Variants in CCDC93 observed in about 807,000 individuals in gnomAD.
CCDC93 encodes CCC complex scaffolding subunit CCDC93, also known as coiled-coil domain-containing protein 93.
CCDC93 carries 61 observed loss-of-function variants against 108.2 expected under a neutral mutation model. That is an observed-to-expected ratio of 0.56 (90% CI 0.46 to 0.70). The LOEUF is 0.70. Among genes scored for constraint, CCDC93 ranks in the 30% least tolerant of loss-of-function variants. The pLI is 0.00. For missense variants in CCDC93, 685 were observed against 764.2 expected (o/e 0.90, Z 1.22); for synonymous variants, 276 against 260.4 (o/e 1.06, Z -0.58).
chr2:117,979,364 CT>C (rs1006710441), intron 7 of CCDC93, among the ~76,000 whole-genome samples: 1 of 152,172 alleles, frequency 6.6e-6, no homozygotes, highest in Non-Finnish European at 1.5e-5. Flanking sequence ...CCTACTCACC[CT>C]CCACTCCTCA....
intron 23 of CCDC93, among the ~76,000 whole-genome samples, chr2:117,921,194 A>T (rs1263786341): frequency 1.3e-5 from 2 of 151,664 alleles, no homozygotes; most frequent in Non-Finnish European, 2.9e-5. Flanking sequence ...AAAAAAAAAA[A>T]AGATAACCTG....
intron 22 of CCDC93, chr2:117,931,499 G>A: frequency 8.2e-6 from 2 of 245,398 alleles, no homozygotes; most frequent in African/African-American, 2.3e-5. Context: ...GCGAGAAGTG[G>A]GTGCTACTGG....
chr2:117,994,208 C>G (rs891384167), intron 6 of CCDC93, among the ~76,000 whole-genome samples: 2 of 125,372 alleles, frequency 1.6e-5, no homozygotes, highest in African/African-American at 6.2e-5. Context: ...GGTGAAAAAT[C>G]AACTTTAATT....
intron 13 of CCDC93, chr2:117,949,969 G>A (rs958713170): frequency 1.1e-5 from 11 of 985,318 alleles, no homozygotes; most frequent in African/African-American, 8.7e-5. Context: ...CATAGGCTAG[G>A]CAATGAAACC....
chr2:117,924,186 G>C (rs976091108), intron 23 of CCDC93, among the ~76,000 whole-genome samples: 28 of 152,282 alleles, frequency 1.8e-4, no homozygotes, highest in African/African-American at 6.5e-4. Context: ...GGAAAAACCA[G>C]AGCAGAAAAA....
At chr2:117,986,374 T>G (rs930687356) in intron 6 of CCDC93, among the ~76,000 whole-genome samples, 1 of 152,172 alleles carries the variant, frequency 6.6e-6, no homozygotes, top group African/African-American at 2.4e-5. Context: ...TGAAGTGGTC[T>G]GCCATGCTAC....
chr2:117,972,488 GGAAA>G (rs1679796453), intron 11 of CCDC93, among the ~76,000 whole-genome samples: 1 of 152,160 alleles, frequency 6.6e-6, no homozygotes, highest in Admixed American at 6.5e-5. Flanking sequence ...GGAAAAGTGT[GGAAA>G]GAGAGATGCA....
intron 7 of CCDC93, among the ~76,000 whole-genome samples, chr2:117,980,348 G>T (rs950169918): frequency 3.3e-5 from 5 of 152,194 alleles, no homozygotes; most frequent in Non-Finnish European, 5.9e-5. Flanking sequence ...TGCATCTTGA[G>T]TATTCATCTT....
chr2:117,943,242 G>C (rs3771939), intron 18 of CCDC93, among the ~76,000 whole-genome samples: 24,092 of 152,254 alleles, frequency 0.16, 2,136 homozygotes, highest in South Asian at 0.22. Context: ...CAAATAGCCA[G>C]CATGTCCAGG....
At chr2:118,006,911 C>A (rs1158797174) in intron 2 of CCDC93, 95 bp from the exon 3 acceptor site, 11 of 714,938 alleles carry the variant, frequency 1.5e-5, no homozygotes, top group Non-Finnish European at 2.7e-5. Flanking sequence ...CTCTAATAGA[C>A]TCAGTAAACA....
Position 117,926,250 on chromosome 2 carries a change from G to A in CCDC93, c.1842+4787C>T, listed in dbSNP as rs1678089547. On this transcript the variant is annotated intron_variant, in intron 23 of 23. Transcript: ENST00000376300. The stretch of plus-strand genomic sequence containing the variant: ...AAACACATTCAAAAGCTAGCAGAAG[G>A]CAAGAAATAACTAAGATCAGAGCAG... Among the ~76,000 whole-genome samples, 3 of 152,168 alleles carry A rather than the reference G, an allele frequency of 2.0e-5. No homozygotes were observed. In the South Asian group the frequency reaches 6.2e-4, roughly 32 times the overall value.
intron 11 of CCDC93, among the ~76,000 whole-genome samples, chr2:117,967,996 CAG>C (rs1491364340): frequency 1.3e-5 from 2 of 152,150 alleles, no homozygotes; most frequent in South Asian, 2.1e-4. Flanking sequence ...GAGAGGCACT[CAG>C]GGTAGATTCA....
At chr2:117,975,805 C>T (rs1480734697) in intron 8 of CCDC93, among the ~76,000 whole-genome samples, 4 of 152,136 alleles carry the variant, frequency 2.6e-5, no homozygotes, top group South Asian at 2.1e-4. Flanking sequence ...AAAAATTATA[C>T]GTTTACTGCT....
chr2:117,956,530 A>C (rs1281202311), intron 12 of CCDC93, among the ~76,000 whole-genome samples: 1 of 152,144 alleles, frequency 6.6e-6, no homozygotes, highest in Non-Finnish European at 1.5e-5. Flanking sequence ...AGATAAAGAC[A>C]CCATAATAAG....
intron 3 of CCDC93, among the ~76,000 whole-genome samples, chr2:118,005,684 C>T (rs368890979): frequency 1.1e-4 from 16 of 147,428 alleles, no homozygotes; most frequent in South Asian, 8.5e-4. Context: ...TTAAGGAAGT[C>T]GAGGCTGCAG....
intron 18 of CCDC93, 59 bp from the exon 19 acceptor site, chr2:117,941,356 T>G: frequency 4.3e-6 from 6 of 1,388,632 alleles, no homozygotes; most frequent in Non-Finnish European, 6.1e-6. Flanking sequence ...ACATGTTCTC[T>G]AGGGAGCCAA....
chr2:117,967,816 G>C (rs570863831), intron 11 of CCDC93, among the ~76,000 whole-genome samples: 2 of 152,248 alleles, frequency 1.3e-5, no homozygotes, highest in Admixed American at 1.3e-4. Context: ...CAAGAGTAAA[G>C]GTGGTCCACA....
intron 11 of CCDC93, among the ~76,000 whole-genome samples, chr2:117,960,723 C>T (rs1478652860): frequency 6.6e-6 from 1 of 152,162 alleles, no homozygotes; most frequent in Non-Finnish European, 1.5e-5. Flanking sequence ...CACATGCTCC[C>T]TCAAAACCCT....
intron 11 of CCDC93, among the ~76,000 whole-genome samples, chr2:117,969,630 A>G (rs554146709): frequency 1.1e-4 from 17 of 151,892 alleles, no homozygotes; most frequent in Middle Eastern, 3.4e-3. Flanking sequence ...TGCACTCATA[A>G]CCAGGCCTTG....
Sources: gnomAD v4.1 joint callset for allele counts (sites outside exome capture counted in the v4.1 genomes callset) on GRCh38, gnomAD v4.1.1 for gene constraint, MANE v1.5 for transcripts, NCBI Gene and HGNC (gene_info 2026-07-23, HGNC 2026-07-21) for gene names.